The following PKD1 variants were observed in gnomAD, a reference collection of about 807,000 sequenced individuals.
PKD1 encodes the protein polycystin 1, transient receptor potential channel interacting.
In PKD1, 81 loss-of-function variants were observed where a neutral mutation model predicts 361.7. That is an observed-to-expected ratio of 0.22 (90% CI 0.19 to 0.27). PKD1 has a LOEUF of 0.27. Among genes scored for constraint, PKD1 ranks in the 10% least tolerant of loss-of-function variants. PKD1 has a pLI of 1.00. For missense variants in PKD1, 6,399 were observed against 6,118.3 expected, an observed-to-expected ratio of 1.05 and a Z score of -1.53; for synonymous variants, 3,615 against 2,818.3, an observed-to-expected ratio of 1.28 and a Z score of -8.95.
Position 2,106,275 on chromosome 16 carries a change from G to T in PKD1, c.7519C>A (p.Pro2507Thr), listed in dbSNP as rs2092332479. The T allele has an allele frequency of 6.2e-7, 1 of 1,610,084 alleles. No homozygotes were observed. Among genetic ancestry groups the T allele is most frequent in the Non-Finnish European group, 8.5e-7 (1 of 1,179,500 alleles). ...GWHDAEDAGA[P>T]LVYALLLRRC... Reference sequence around the variant, plus strand: ...CGCAGCAGCAGGGCGTACACCAGCGGGGCGCCAGCATCCTCCGCGTCATGC... The same window carrying T: ...CGCAGCAGCAGGGCGTACACCAGCGTGGCGCCAGCATCCTCCGCGTCATGC... Residue 2507 changes from proline (P) to threonine (T), a missense_variant, in exon 19 of 46, where the codon CCG (proline) becomes ACG (threonine). Transcript: ENST00000262304. This position sits in a 1 kb window ranked among gnomAD's most constrained non-coding sequence, Gnocchi z 6.5.
rs772496324 is a variant in PKD1, at chr16:2,090,884, C to G, written c.12003G>C (p.Lys4001Asn). ...AASLLFLLLV[K>N]AAQQLRFVRQ... ...CCGCGCCCACCGGCCCAGCCCTCAC[C>G]TTGACCAAAAGCAGGAAGAGCAGCG... The change falls in exon 43 of 46, where the codon AAG becomes AAC. Residue 4001 changes from lysine (K) to asparagine (N), a missense_variant and splice_region_variant. Physicochemically the swap from Lys to Asn is moderately conservative, Grantham distance 94. Transcript: ENST00000262304. The G allele has an allele frequency of 1.2e-6, 2 of 1,604,166 alleles. No individual in the cohort carries two copies. The highest frequency in any genetic ancestry group is 4.5e-5 in the East Asian group (2 of 44,858).
chr16:2,130,133 A>G (rs1040927617), intron 1 of PKD1, among the ~76,000 whole-genome samples: 1 of 151,910 alleles, frequency 6.6e-6, no homozygotes. Flanking sequence ...TCTAATAAAG[A>G]AACTACCGTT....
chr16:2,104,346 G>A, intron 22 of PKD1, 152 bp downstream of exon 22: 1 of 518,222 alleles, frequency 1.9e-6, no homozygotes. Flanking sequence ...AGGAGAATGG[G>A]AATTGGGGGA....
chr16:2,096,435 C>T (rs1308065222), intron 34 of PKD1, among the ~76,000 whole-genome samples: 2 of 152,208 alleles, frequency 1.3e-5, no homozygotes, highest in East Asian at 1.9e-4. Context: ...CTGCCATGTG[C>T]GTGACTATGT....
chr16:2,125,457 C>T lies in PKD1; in HGVS notation c.216-6079G>A, dbSNP rs139665892. The stretch of plus-strand genomic sequence containing the variant: ...CAGCGGCATTCTGTCCTTACAGATC[C>T]CTCCCACGGCTGAACTGTCCCCAGG... On this transcript the variant is annotated intron_variant, in intron 1 of 45. Coordinates refer to ENST00000262304, the MANE Select transcript of PKD1 (RefSeq NM_001009944.3). Among the ~76,000 whole-genome samples the T allele has an allele frequency of 3.5e-3, 531 of 152,330 alleles. 1 individual carries two copies. The highest frequency in any genetic ancestry group is 0.012 in the African/African-American group (512 of 41,580).
rs1363939867 is a variant in PKD1 at position 2,090,739 on chromosome 16, C to G, written c.12073G>C (p.Glu4025Gln). The change falls in exon 44 of 46, where the codon GAG becomes CAG. Residue 4025 changes from glutamate to glutamine, a missense_variant. Transcript: ENST00000262304. ...AGGCCCAAGGTGACCCCCAGGAGCT[C>G]TGGCAGAGCTCGGCATAATGTCTTG... ...FGKTLCRALP[E>Q]LLGVTLGLVV... The G allele has an allele frequency of 5.0e-6, 8 of 1,612,526 alleles. No individual in the cohort carries two copies. Among genetic ancestry groups the G allele is most frequent in the African/African-American group, 1.3e-5 (1 of 74,918 alleles).
At chr16:2,097,106 C>A (rs1374028731) in intron 34 of PKD1, 42 bp downstream of exon 34, 1 of 1,468,962 alleles carries the variant, frequency 6.8e-7, no homozygotes, top group Non-Finnish European at 9.3e-7. Context: ...GTCCCGGCCC[C>A]TCCTCTGGCA....
intron 1 of PKD1, among the ~76,000 whole-genome samples, chr16:2,129,982 G>A (rs2092849905): frequency 6.6e-6 from 1 of 152,174 alleles, no homozygotes; most frequent in Non-Finnish European, 1.5e-5. Context: ...GAGCTCGGGT[G>A]CCCCACATTC....
In PKD1 at chr16:2,091,131, G is replaced by A. The variant is rs1022981230; in HGVS notation, c.11756C>T (p.Ala3919Val). The A allele has an allele frequency of 4.0e-6, 6 of 1,483,714 alleles. No homozygotes were observed. Among genetic ancestry groups the A allele is most frequent in the Non-Finnish European group, 4.4e-6 (5 of 1,124,530 alleles). 91.9% of individuals were successfully genotyped at this position (1,483,714 alleles called of 1,614,324 possible). ...LFAVHFAVAEARTWHREGRWR... is the reference protein window; with the variant it reads ...LFAVHFAVAEVRTWHREGRWR... ...GCGCCCTTCCCTGTGCCAAGTACGG[G>A]CCTCGGCCACGGCGAAGTGCACGGC... is the stretch of plus-strand genomic sequence containing the variant. Residue 3919 changes from alanine (A) to valine (V), a missense_variant, in exon 43 of 46, where the codon GCC (alanine) becomes GTC (valine). Transcript: ENST00000262304.
At chr16:2,122,586 G>T (rs138426813) in intron 1 of PKD1, among the ~76,000 whole-genome samples, 11 of 152,236 alleles carry the variant, frequency 7.2e-5, no homozygotes, top group Non-Finnish European at 1.3e-4. Flanking sequence ...TGGGAGACCA[G>T]CAAGAGGCCA....
chr16:2,089,363 G>A lies in PKD1; in HGVS notation c.*364C>T, dbSNP rs982921818. On this transcript the variant is annotated 3_prime_UTR_variant, in exon 46 of 46. Coordinates refer to ENST00000262304, the MANE Select transcript of PKD1 (RefSeq NM_001009944.3). Reference sequence around the variant, plus strand: ...ATAACTTAGGGGCAGGGTGGCGGCGGTGCAGGCTAACCCTCCCTGAAGCCA... The same window carrying A: ...ATAACTTAGGGGCAGGGTGGCGGCGATGCAGGCTAACCCTCCCTGAAGCCA... 1.1e-5 allele frequency: 4 copies of A among 371,390 alleles called. No homozygotes were observed. Among genetic ancestry groups the A allele is most frequent in the East Asian group, 5.0e-5 (1 of 20,038 alleles). The allele number at this position is 371,390 out of a possible 1,614,324, so 23.0% of individuals were successfully genotyped here. A position where few individuals can be genotyped will look rare whatever the true frequency, so the allele number is the denominator to read the frequency against.
At chr16:2,124,855 G>A (rs2092773903) in intron 1 of PKD1, among the ~76,000 whole-genome samples, 1 of 152,204 alleles carries the variant, frequency 6.6e-6, no homozygotes, top group Non-Finnish European at 1.5e-5. Context: ...TCCCTCGGCA[G>A]GGGCAGGACA....
rs903949574 is a variant in PKD1, at chr16:2,099,868, C to T, written c.9916G>A (p.Ala3306Thr). 9 of 1,566,906 alleles carry T rather than the reference C, an allele frequency of 5.7e-6. No homozygotes were observed. Among genetic ancestry groups the T allele is most frequent in the Non-Finnish European group, 4.3e-6 (5 of 1,157,284 alleles). ...AVWYGAVGDSAYSTGHVSRLS... is the reference protein window; with the variant it reads ...AVWYGAVGDSTYSTGHVSRLS... Reference sequence around the variant, plus strand: ...GACCCCTACGGCACCCACCTGTAGGCAGAGTCGCCAACAGCCCCGTACCAC... The same window carrying T: ...GACCCCTACGGCACCCACCTGTAGGTAGAGTCGCCAACAGCCCCGTACCAC... The change falls in exon 29 of 46, where the codon GCC becomes ACC. Residue 3306 changes from alanine to threonine, a missense_variant. Ala to Thr is a moderately conservative substitution (Grantham distance 58). Coordinates refer to ENST00000262304, the MANE Select transcript of PKD1 (RefSeq NM_001009944.3).
rs1043550238 is a variant in PKD1 at position 2,089,308 on chromosome 16, G to A, written c.*419C>T. 3.4e-5 allele frequency: 9 copies of A among 262,946 alleles called. No individual in the cohort carries two copies. Among genetic ancestry groups the A allele is most frequent in the African/African-American group, 1.6e-4 (7 of 45,076 alleles). 16.3% of individuals were successfully genotyped at this position (262,946 alleles called of 1,614,324 possible). A position where few individuals can be genotyped will look rare whatever the true frequency, so the allele number is the denominator to read the frequency against. ...GACACGAGACACACAGTGAGACGGT[G>A]CAGGGAGTACGGTAGGAACTGGAGA... On this transcript the variant is annotated 3_prime_UTR_variant, in exon 46 of 46. Transcript: ENST00000262304.
rs758643223 is a variant in PKD1 at position 2,114,338 on chromosome 16, T to C, written c.2685A>G (p.Ser895=). 3.4e-5 allele frequency: 54 copies of C among 1,610,392 alleles called. No individual in the cohort carries two copies. Among genetic ancestry groups the C allele is most frequent in the Non-Finnish European group, 4.4e-5 (52 of 1,179,644 alleles). ...CPWETNDTLF[S]VVALPWLSEG... is the part of the protein sequence containing the mutation. The stretch of plus-strand genomic sequence containing the variant: ...CACTGAGCCACGGCAGTGCTACCAC[T>C]GAGAACAGGGTATCGTTGGTCTCCC... The change falls in exon 11 of 46, where the codon TCA becomes TCG. Residue 895 remains serine, a synonymous_variant. Transcript: ENST00000262304.
rs759062030 is a variant in PKD1, at chr16:2,113,005, G to A, written c.2986-42C>T. 13 of 1,563,782 alleles carry A rather than the reference G, an allele frequency of 8.3e-6. No individual in the cohort carries two copies. The African/African-American group carries it at 1.2e-4, about 15-fold the overall frequency. The stretch of plus-strand genomic sequence containing the variant: ...CAGTGAGCCCAGGTGGCAGGTGAGA[G>A]GCCTGGCCCTGATTGGCGTCCCTCC... On this transcript the variant is annotated intron_variant, in intron 12 of 45. Transcript: ENST00000262304.
chr16:2,119,692 G>A, intron 1 of PKD1: 1 of 606,242 alleles, frequency 1.6e-6, no homozygotes, highest in East Asian at 2.7e-5. Context: ...CAGGGCCAAG[G>A]CCCCCCATCC....
At chr16:2,114,985 C>T (rs2092606114) in intron 10 of PKD1, 60 bp from the exon 11 acceptor site, 3 of 1,522,692 alleles carry the variant, frequency 2.0e-6, no homozygotes, top group South Asian at 1.2e-5. Flanking sequence ...TGGACCCCCG[C>T]ACGACGGATG....
At chr16:2,096,452 CTACA>C (rs1365614365) in intron 34 of PKD1, among the ~76,000 whole-genome samples, 5 of 152,380 alleles carry the variant, frequency 3.3e-5, no homozygotes, top group Non-Finnish European at 7.3e-5. Context: ...ATGTGCGTGA[CTACA>C]TACAAGGTAA....
Sources: gnomAD v4.1 joint callset for allele counts (sites outside exome capture counted in the v4.1 genomes callset) on GRCh38, gnomAD v4.1.1 for gene constraint, Gnocchi (gnomAD v3.1) non-coding constraint, MANE v1.5 for transcripts, NCBI Gene and HGNC (gene_info 2026-07-23, HGNC 2026-07-21) for gene names.